The following CCDC191 variants were observed in gnomAD, a reference collection of about 807,000 sequenced individuals.
The protein encoded by CCDC191 is coiled-coil domain-containing protein 191.
CCDC191 carries 99 observed loss-of-function variants against 114.0 expected under a neutral mutation model. The observed-to-expected ratio is 0.87, with a 90% CI of 0.74 to 1.03. The LOEUF (loss-of-function observed/expected upper bound fraction) is 1.03. Among genes scored for constraint, CCDC191 ranks in the 50% least tolerant of loss-of-function variants. The probability of loss-of-function intolerance (pLI) is 0.00; values close to 1 mark genes in which losing one functional copy is unlikely to be tolerated. For missense variants in CCDC191, 973 were observed against 1,087.0 expected, an observed-to-expected ratio of 0.90 and a Z score of 1.47; for synonymous variants, 351 against 376.0, an observed-to-expected ratio of 0.93 and a Z score of 0.77.
chr3:114,021,601 A>T (rs1244552434), intron 7 of CCDC191, among the ~76,000 whole-genome samples: 1 of 152,122 alleles, frequency 6.6e-6, no homozygotes, highest in East Asian at 1.9e-4. Flanking sequence ...TTCTCTGGAA[A>T]AAGTTGCTAG....
Position 114,053,639 on chromosome 3 carries a change from T to C in CCDC191, c.91-4A>G. 6.3e-7 allele frequency: 1 copy of C among 1,580,726 alleles called. No individual in the cohort carries two copies. The highest frequency in any genetic ancestry group is 8.7e-7 in the Non-Finnish European group (1 of 1,153,250). ...CACTGTCAGGACCAAAAGTAGGCTG[T>C]AGATAACATATATATGATATCAATA... On this transcript the variant is annotated splice_region_variant and splice_polypyrimidine_tract_variant and intron_variant, in intron 1 of 16. Transcript: ENST00000295878.
intron 16 of CCDC191, among the ~76,000 whole-genome samples, chr3:113,969,168 C>T (rs1940537584): frequency 6.6e-6 from 1 of 152,222 alleles, no homozygotes; most frequent in Non-Finnish European, 1.5e-5. Context: ...CAATCCATCT[C>T]CATGACCCAA....
intron 12 of CCDC191, 190 bp from the exon 13 acceptor site, chr3:114,001,886 A>C: frequency 1.7e-6 from 1 of 605,632 alleles, no homozygotes. Context: ...TTTCTCCAAA[A>C]GAATCCTTTT....
intron 8 of CCDC191, among the ~76,000 whole-genome samples, chr3:114,017,428 C>T (rs141814529): frequency 2.4e-4 from 37 of 152,294 alleles, no homozygotes; most frequent in African/African-American, 8.9e-4. Flanking sequence ...CTCCTCAACA[C>T]CTGTACAGTC....
chr3:114,031,485 A>G, intron 7 of CCDC191, 141 bp downstream of exon 7: 1 of 697,840 alleles, frequency 1.4e-6, no homozygotes, highest in South Asian at 1.6e-5. Context: ...TCAGCTGGGC[A>G]CAAAGAACAA....
intron 7 of CCDC191, among the ~76,000 whole-genome samples, chr3:114,031,248 G>A (rs528650320): frequency 2.0e-4 from 31 of 152,172 alleles, no homozygotes; most frequent in Non-Finnish European, 4.0e-4. Context: ...GAATAATCCA[G>A]AACACAATGG....
At chr3:113,981,773 G>A (rs1188375033) in intron 13 of CCDC191, among the ~76,000 whole-genome samples, 2 of 152,140 alleles carry the variant, frequency 1.3e-5, no homozygotes, top group Non-Finnish European at 2.9e-5. Context: ...AGGAAGAATT[G>A]CTCTAATTTT....
At chr3:114,038,804 T>C (rs1477076869) in intron 4 of CCDC191, among the ~76,000 whole-genome samples, 2 of 152,154 alleles carry the variant, frequency 1.3e-5, no homozygotes, top group Admixed American at 6.5e-5. Context: ...ACACTGCATG[T>C]TCTCACTTAA....
At chr3:114,056,274 T>C in intron 1 of CCDC191, 103 bp downstream of exon 1, 1 of 1,098,662 alleles carries the variant, frequency 9.1e-7, no homozygotes, top group Middle Eastern at 2.1e-4. Context: ...GCGTGTCAGC[T>C]CAGGATGAAG....
At chr3:113,970,468 C>G (rs1041173936) in intron 16 of CCDC191, among the ~76,000 whole-genome samples, 9 of 152,024 alleles carry the variant, frequency 5.9e-5, no homozygotes, top group African/African-American at 2.2e-4. Context: ...CCTGGATGCC[C>G]TTATTTTTTT....
intron 8 of CCDC191, among the ~76,000 whole-genome samples, chr3:114,011,370 G>T (rs2076067185): frequency 6.6e-6 from 1 of 152,158 alleles, no homozygotes; most frequent in Non-Finnish European, 1.5e-5. Flanking sequence ...TTAAAAAGAT[G>T]AATGCATGAG....
chr3:114,011,094 A>AT, intron 8 of CCDC191, 73 bp from the exon 9 acceptor site: 1 of 1,485,070 alleles, frequency 6.7e-7, no homozygotes, highest in Non-Finnish European at 9.0e-7. Context: ...TAAATGAAAC[A>AT]TAAGTCCAAA....
intron 9 of CCDC191, among the ~76,000 whole-genome samples, chr3:114,008,733 A>AT (rs2076016800): frequency 6.6e-6 from 1 of 152,192 alleles, no homozygotes; most frequent in Non-Finnish European, 1.5e-5. Flanking sequence ...AAGAACTCTT[A>AT]TAAATAAGAA....
intron 11 of CCDC191, 27 bp from the exon 12 acceptor site, chr3:114,002,565 A>T: frequency 6.5e-7 from 1 of 1,537,352 alleles, no homozygotes; most frequent in Non-Finnish European, 8.8e-7. Context: ...GAGTTCTAAT[A>T]TTTTTTATAT....
intron 1 of CCDC191, chr3:114,054,296 A>G (rs563011539): frequency 6.6e-6 from 1 of 152,286 alleles, no homozygotes; most frequent in South Asian, 2.1e-4. Context: ...AATTCCCTCT[A>G]ATAGTCACTT....
Position 114,055,526 on chromosome 3 carries a change from T to C in CCDC191, c.90+851A>G, listed in dbSNP as rs78743190. On this transcript the variant is annotated intron_variant, in intron 1 of 16. Transcript: ENST00000295878. ...AGAATAAATCGCAAGAACAATCGCC[T>C]GGGGCCCTCAAAAAGGCCACATACA... Among the ~76,000 whole-genome samples the C allele has an allele frequency of 4.9e-3, 750 of 152,328 alleles. 8 individuals are homozygous for C. The highest frequency in any genetic ancestry group is 0.017 in the African/African-American group (708 of 41,582).
intron 9 of CCDC191, 112 bp from the exon 10 acceptor site, chr3:114,006,074 C>T (rs999945896): frequency 1.0e-6 from 1 of 959,784 alleles, no homozygotes. Context: ...CCATGTATTG[C>T]AGGTAAAGGT....
rs573863211 is a variant in CCDC191, at chr3:114,056,511, C to T, written c.-45G>A. On this transcript the variant is annotated 5_prime_UTR_variant, in exon 1 of 17. Transcript: ENST00000295878. ...ACCTCGGCCAAAGCTGCAGCAACCG[C>T]CCTTCTGCCCGGGCTGCCTCCGGGT... 5 of 1,613,290 alleles carry T rather than the reference C, an allele frequency of 3.1e-6. No homozygotes were observed. The highest frequency in any genetic ancestry group is 1.1e-5 in the South Asian group (1 of 91,008).
chr3:113,972,269 TATG>T (rs1219670535), intron 16 of CCDC191, among the ~76,000 whole-genome samples: 1 of 152,142 alleles, frequency 6.6e-6, no homozygotes, highest in Non-Finnish European at 1.5e-5. Context: ...GATTTTGATC[TATG>T]ATATTTCCAT....
Sources: allele counts gnomAD v4.1 joint callset (sites outside exome capture counted in the v4.1 genomes callset), GRCh38; gene constraint gnomAD v4.1.1; transcripts MANE v1.5; gene names NCBI Gene and HGNC (gene_info 2026-07-23, HGNC 2026-07-21).